The following PPP2R5E variants were observed in gnomAD, a reference collection of about 807,000 sequenced individuals.
The protein encoded by PPP2R5E is serine/threonine-protein phosphatase 2A 56 kDa regulatory subunit epsilon isoform.
PPP2R5E carries 4 observed loss-of-function variants against 65.3 expected under a neutral mutation model. That is an observed-to-expected ratio of 0.06 (90% CI 0.03 to 0.14). The LOEUF is 0.14. PPP2R5E is among the 10% of genes least tolerant of loss of function. The pLI is 1.00. For missense variants in PPP2R5E, 274 were observed against 556.1 expected, an observed-to-expected ratio of 0.49 and a Z score of 5.10; for synonymous variants, 183 against 187.4, an observed-to-expected ratio of 0.98 and a Z score of 0.19.
intron 3 of PPP2R5E, among the ~76,000 whole-genome samples, chr14:63,447,597 T>C (rs146948568): frequency 6.6e-6 from 1 of 152,212 alleles, no homozygotes; most frequent in African/African-American, 2.4e-5. Flanking sequence ...AGCAATAAGG[T>C]TGTTTTACTT....
At chr14:63,454,520 C>G (rs113348130) in intron 2 of PPP2R5E, among the ~76,000 whole-genome samples, 4 of 152,060 alleles carry the variant, frequency 2.6e-5, no homozygotes, top group Non-Finnish European at 4.4e-5. Context: ...CTCTTTTTAC[C>G]CATCTTCTTG....
chr14:63,524,175 G>A (rs1315703436), intron 2 of PPP2R5E, among the ~76,000 whole-genome samples: 1 of 152,192 alleles, frequency 6.6e-6, no homozygotes, highest in Non-Finnish European at 1.5e-5. Flanking sequence ...CCAGGCACAA[G>A]CAGCCCTGAA....
intron 5 of PPP2R5E, among the ~76,000 whole-genome samples, chr14:63,402,882 T>A (rs1478719666): frequency 6.6e-6 from 1 of 152,066 alleles, no homozygotes; most frequent in African/African-American, 2.4e-5. Context: ...AATGTCAATA[T>A]AGATATGGTC....
At chr14:63,428,200 G>A (rs759252425) in intron 3 of PPP2R5E, among the ~76,000 whole-genome samples, 3 of 151,944 alleles carry the variant, frequency 2.0e-5, no homozygotes, top group Admixed American at 1.3e-4. Context: ...TTTCCTTTCC[G>A]GTACTCTCTT....
At chr14:63,430,284 C>G (rs533435991) in intron 3 of PPP2R5E, among the ~76,000 whole-genome samples, 2 of 151,914 alleles carry the variant, frequency 1.3e-5, no homozygotes, top group African/African-American at 2.4e-5. Flanking sequence ...GAGGCCGAGG[C>G]GGGAGGATCA....
At chr14:63,448,784 C>T (rs1478660601) in intron 3 of PPP2R5E, among the ~76,000 whole-genome samples, 7 of 101,018 alleles carry the variant, frequency 6.9e-5, no homozygotes, top group African/African-American at 1.3e-4. Flanking sequence ...AACAAGACTT[C>T]GTCAAAAAAA....
Position 63,466,404 on chromosome 14 carries a change from C to G in PPP2R5E, c.158-12519G>C, listed in dbSNP as rs538572584. Among the ~76,000 whole-genome samples, 12 of 152,000 alleles carry G rather than the reference C, an allele frequency of 7.9e-5. 2 individuals are homozygous for G. The highest frequency in any genetic ancestry group is 2.9e-4 in the African/African-American group (12 of 41,420). On this transcript the variant is annotated intron_variant, in intron 2 of 13. Coordinates refer to ENST00000337537, the MANE Select transcript of PPP2R5E (RefSeq NM_006246.5). The stretch of plus-strand genomic sequence containing the variant: ...CCTGAGACTGACACAGGACTGAGAA[C>G]AGTGGAATAGCTTCTAATCCCAAGA...
intron 5 of PPP2R5E, among the ~76,000 whole-genome samples, chr14:63,399,001 C>G (rs72714227): frequency 1.3e-5 from 2 of 152,114 alleles, no homozygotes; most frequent in African/African-American, 4.8e-5. Flanking sequence ...TATGACTAAG[C>G]GATTCCACTT....
rs369885783 is a variant in PPP2R5E at position 63,496,304 on chromosome 14, ACCAGC to A, written c.158-42424_158-42420del. ...GATCACCTGAGGTCAGCAGTTAGAG[ACCAGC>A]CTGGCCAACATAGTAAAACCCTGTC... On this transcript the variant is annotated intron_variant, in intron 2 of 13. Transcript: ENST00000337537. Among the ~76,000 whole-genome samples, 69 of 152,120 alleles carry A rather than the reference ACCAGC, an allele frequency of 4.5e-4. 1 individual carries two copies. Among genetic ancestry groups the A allele is most frequent in the African/African-American group, 1.6e-3 (65 of 41,518 alleles).
chr14:63,519,201 C>G (rs568170946), intron 2 of PPP2R5E, among the ~76,000 whole-genome samples: 1 of 151,098 alleles, frequency 6.6e-6, no homozygotes, highest in East Asian at 1.9e-4. Context: ...GCAACAAGAG[C>G]GAGACTCCGT....
chr14:63,460,845 CTA>C (rs777621592), intron 2 of PPP2R5E, among the ~76,000 whole-genome samples: 2 of 152,148 alleles, frequency 1.3e-5, no homozygotes, highest in Non-Finnish European at 2.9e-5. Flanking sequence ...TATTTTGACA[CTA>C]TGATCTAATC....
intron 2 of PPP2R5E, among the ~76,000 whole-genome samples, chr14:63,527,924 G>GA (rs397806689): frequency 0.066 from 8,064 of 123,018 alleles, 571 homozygotes; most frequent in African/African-American, 0.2. Context: ...GACAATGTAA[G>GA]AAAAAAAAAA....
chr14:63,388,823 C>T (rs1884835809), intron 11 of PPP2R5E, among the ~76,000 whole-genome samples: 2 of 152,184 alleles, frequency 1.3e-5, no homozygotes, highest in Admixed American at 1.3e-4. Flanking sequence ...CGCTAAGAAC[C>T]ACAGTCTGAA....
chr14:63,461,185 T>C (rs1339846039), intron 2 of PPP2R5E, among the ~76,000 whole-genome samples: 1 of 152,226 alleles, frequency 6.6e-6, no homozygotes, highest in Non-Finnish European at 1.5e-5. Context: ...AGGGCAGTAA[T>C]GCCAGGAGGG....
At chr14:63,393,584 C>T (rs1885148405) in intron 8 of PPP2R5E, among the ~76,000 whole-genome samples, 1 of 151,898 alleles carries the variant, frequency 6.6e-6, no homozygotes, top group Non-Finnish European at 1.5e-5. Context: ...TGGTGGCGTG[C>T]GCTTGTAGTC....
intron 8 of PPP2R5E, among the ~76,000 whole-genome samples, chr14:63,393,585 G>A (rs56235588): frequency 0.02 from 3,064 of 152,054 alleles, 110 homozygotes; most frequent in African/African-American, 0.07. Context: ...GGTGGCGTGC[G>A]CTTGTAGTCA....
In PPP2R5E at chr14:63,374,853, T is replaced by C. The variant is rs532580889; in HGVS notation, c.*1156A>G. The C allele has an allele frequency of 2.0e-5, 3 of 152,456 alleles. No individual in the cohort carries two copies. The highest frequency in any genetic ancestry group is 1.3e-4 in the Admixed American group (2 of 15,270). The allele number at this position is 152,456 out of a possible 1,614,324, so 9.4% of individuals were successfully genotyped here. A position where few individuals can be genotyped will look rare whatever the true frequency, so the allele number is the denominator to read the frequency against. ...GTAACAAATACAGTAGTTAGGAATA[T>C]GCATCCAATTCAGAATGCATAATAA... On this transcript the variant is annotated 3_prime_UTR_variant, in exon 14 of 14. Transcript: ENST00000337537.
intron 6 of PPP2R5E, 97 bp downstream of exon 6, chr14:63,396,486 AGAG>A: frequency 7.0e-7 from 1 of 1,436,552 alleles, no homozygotes; most frequent in Non-Finnish European, 9.4e-7. Context: ...AAAGGGAGAA[AGAG>A]AAGTCAGTAC....
chr14:63,509,031 T>C (rs529254983), intron 2 of PPP2R5E, among the ~76,000 whole-genome samples: 2 of 152,346 alleles, frequency 1.3e-5, no homozygotes, highest in South Asian at 4.1e-4. Context: ...AGTAACTTTT[T>C]CAAATCAAAG....
Sources: gnomAD v4.1 joint callset for allele counts (sites outside exome capture counted in the v4.1 genomes callset) on GRCh38, gnomAD v4.1.1 for gene constraint, MANE v1.5 for transcripts, NCBI Gene and HGNC (gene_info 2026-07-23, HGNC 2026-07-21) for gene names.